The following SLC24A2 variants were observed in gnomAD, a reference collection of about 807,000 sequenced individuals.
SLC24A2 encodes solute carrier family 24 member 2, also known as sodium/potassium/calcium exchanger 2.
SLC24A2 carries 36 observed loss-of-function variants against 62.0 expected under a neutral mutation model. The ratio of observed to expected loss-of-function variants is 0.58; its 90% CI spans 0.44 to 0.77. The LOEUF (loss-of-function observed/expected upper bound fraction) is 0.77, where lower values mean the gene tolerates loss of function less well. Ranked by LOEUF, SLC24A2 falls within the 30% of genes least tolerant of loss-of-function variation. The probability of loss-of-function intolerance (pLI) is 0.00; values close to 1 mark genes in which losing one functional copy is unlikely to be tolerated. For synonymous variants in SLC24A2, 358 were observed against 294.0 expected, an observed-to-expected ratio of 1.22 and a Z score of -2.23; for missense variants, 846 against 817.9, an observed-to-expected ratio of 1.03 and a Z score of -0.42.
the SLC24A2 span, among the ~76,000 whole-genome samples, chr9:20,134,353 T>C: frequency 6.6e-6 from 1 of 152,124 alleles, no homozygotes; most frequent in African/African-American, 2.4e-5. Flanking sequence ...AGGGTTTCCC[T>C]TAAAAAACAA....
At chr9:20,261,947 T>A in the SLC24A2 span, among the ~76,000 whole-genome samples, 1 of 151,728 alleles carries the variant, frequency 6.6e-6, no homozygotes, top group Non-Finnish European at 1.5e-5. Context: ...ACCATGTTAG[T>A]CAGGATGGTC....
chr9:20,227,578 G>C, the SLC24A2 span, among the ~76,000 whole-genome samples: 1 of 149,562 alleles, frequency 6.7e-6, no homozygotes. Context: ...AAGATGACTG[G>C]AGCTGTGAGG....
rs770741750 is a variant in SLC24A2, at chr9:19,533,388, T to C, written c.1480-5250A>G. ...TGGACTGCAAAAATGGGCACAATAC[T>C]TTGCTGCTCCTCTCATCAAGAGGTG... On this transcript the variant is annotated intron_variant, in intron 8 of 10. Transcript: ENST00000341998. Among the ~76,000 whole-genome samples, 95 of 152,336 alleles carry C rather than the reference T, an allele frequency of 6.2e-4. 1 individual carries two copies. Among genetic ancestry groups the C allele is most frequent in the Non-Finnish European group, 1.3e-3 (88 of 68,024 alleles).
the SLC24A2 span, among the ~76,000 whole-genome samples, chr9:19,827,197 G>A: frequency 1.8e-3 from 281 of 152,230 alleles, 1 homozygote; most frequent in African/African-American, 6.3e-3. Context: ...GGAATAGGCC[G>A]TGCATCAGCT....
At chr9:19,531,823 C>A (rs1250957946) in intron 8 of SLC24A2, among the ~76,000 whole-genome samples, 1 of 151,170 alleles carries the variant, frequency 6.6e-6, no homozygotes, top group Non-Finnish European at 1.5e-5. Context: ...TCTCTTTAAG[C>A]TTAGGTTTCT....
At chr9:20,194,360 G>A in the SLC24A2 span, among the ~76,000 whole-genome samples, 5 of 152,044 alleles carry the variant, frequency 3.3e-5, no homozygotes, top group Admixed American at 1.3e-4. Context: ...ACTGAAGCCC[G>A]ATTCCAGATC....
the SLC24A2 span, among the ~76,000 whole-genome samples, chr9:20,051,204 A>T: frequency 1.3e-5 from 2 of 152,186 alleles, no homozygotes; most frequent in Admixed American, 1.3e-4. Flanking sequence ...TGCTAACGCT[A>T]ATCAAAATAA....
the SLC24A2 span, among the ~76,000 whole-genome samples, chr9:20,186,801 A>G: frequency 6.6e-6 from 1 of 152,198 alleles, no homozygotes; most frequent in Non-Finnish European, 1.5e-5. Context: ...TAAGTATTTA[A>G]TCAACGAGAG....
chr9:20,248,680 C>T, the SLC24A2 span, among the ~76,000 whole-genome samples: 1,853 of 152,262 alleles, frequency 0.012, 29 homozygotes, highest in African/African-American at 0.031. Context: ...TGGGGGGCCA[C>T]ATTCAGTCTA....
chr9:19,568,438 C>G lies in SLC24A2; in HGVS notation c.1347+4913G>C, dbSNP rs551765996. ...GGTCTACCAATAGACGCCTTGCCAT[C>G]TGGGCTATTCAATAGCCATTAAAAA... On this transcript the variant is annotated intron_variant, in intron 7 of 10. Coordinates refer to ENST00000341998, the MANE Select transcript of SLC24A2 (RefSeq NM_020344.4). Among the ~76,000 whole-genome samples, 40 of 152,336 alleles carry G rather than the reference C, an allele frequency of 2.6e-4. 1 individual carries two copies. Among genetic ancestry groups the G allele is most frequent in the African/African-American group, 7.9e-4 (33 of 41,576 alleles).
chr9:19,731,445 C>T (rs1356335862), intron 2 of SLC24A2, among the ~76,000 whole-genome samples: 2 of 151,904 alleles, frequency 1.3e-5, no homozygotes, highest in East Asian at 1.9e-4. Flanking sequence ...AAGGGTGGGG[C>T]TTTGATCTAA....
chr9:19,973,346 A>G, the SLC24A2 span, among the ~76,000 whole-genome samples: 82 of 152,370 alleles, frequency 5.4e-4, no homozygotes, highest in African/African-American at 1.9e-3. Flanking sequence ...GGAGAAAAAT[A>G]AGAAACACAT....
intron 2 of SLC24A2, among the ~76,000 whole-genome samples, chr9:19,738,015 T>G (rs761911392): frequency 3.9e-5 from 6 of 152,180 alleles, no homozygotes; most frequent in Non-Finnish European, 8.8e-5. Context: ...TCAAAAAATG[T>G]TGCTAATTTA....
chr9:20,236,107 G>C, the SLC24A2 span, among the ~76,000 whole-genome samples: 23 of 152,278 alleles, frequency 1.5e-4, no homozygotes, highest in African/African-American at 5.5e-4. Context: ...GATAGGCGGT[G>C]AATTTTTAAT....
chr9:19,875,127 G>A, the SLC24A2 span, among the ~76,000 whole-genome samples: 9 of 151,776 alleles, frequency 5.9e-5, no homozygotes, highest in African/African-American at 1.9e-4. Flanking sequence ...AAGTATTACT[G>A]AGAAAACCAA....
intron 8 of SLC24A2, among the ~76,000 whole-genome samples, chr9:19,542,611 C>G (rs1276646537): frequency 6.6e-6 from 1 of 152,210 alleles, no homozygotes; most frequent in Non-Finnish European, 1.5e-5. Flanking sequence ...TACGTTCAAT[C>G]AGTGCCTACT....
chr9:20,251,782 A>G, the SLC24A2 span, among the ~76,000 whole-genome samples: 5 of 152,230 alleles, frequency 3.3e-5, no homozygotes, highest in African/African-American at 4.8e-5. Flanking sequence ...CAACAGCTCA[A>G]TGATTCTCCA....
chr9:20,197,540 T>A, the SLC24A2 span, among the ~76,000 whole-genome samples: 2 of 146,542 alleles, frequency 1.4e-5, no homozygotes, highest in Non-Finnish European at 3.0e-5. Flanking sequence ...AAGGTGATAC[T>A]CCCAGCTCAC....
intron 8 of SLC24A2, among the ~76,000 whole-genome samples, chr9:19,541,694 C>T (rs1383795396): frequency 3.4e-5 from 5 of 148,870 alleles, no homozygotes; most frequent in African/African-American, 1.0e-4. Flanking sequence ...GTGGAGCCTA[C>T]AGAGGCAGGC....
Sources: allele counts gnomAD v4.1 joint callset (sites outside exome capture counted in the v4.1 genomes callset), GRCh38; gene constraint gnomAD v4.1.1; transcripts MANE v1.5; gene names NCBI Gene and HGNC (gene_info 2026-07-23, HGNC 2026-07-21).